DPP6: variants seen among roughly 807,000 people sequenced by gnomAD.
DPP6 encodes the protein dipeptidyl peptidase like 6.
In DPP6, 69 loss-of-function variants were observed where a neutral mutation model predicts 122.6. The ratio of observed to expected loss-of-function variants is 0.56; its 90% confidence interval spans 0.46 to 0.69. DPP6 has a LOEUF of 0.69. Ranked by LOEUF, DPP6 falls within the 30% of genes least tolerant of loss-of-function variation. The pLI, the probability that DPP6 is intolerant of heterozygous loss-of-function variation, is 0.00. For synonymous variants in DPP6, 418 were observed against 433.1 expected (o/e 0.97, Z 0.43); for missense variants, 928 against 1,116.9 (o/e 0.83, Z 2.41).
At chr7:154,573,263 T>C (rs1253213214) in intron 5 of DPP6, among the ~76,000 whole-genome samples, 2 of 152,148 alleles carry the variant, frequency 1.3e-5, no homozygotes, top group Admixed American at 6.5e-5. Context: ...CTATCAGAAT[T>C]GCAGGGAGCT....
chr7:154,134,765 G>A (rs887840528), intron 1 of DPP6, among the ~76,000 whole-genome samples: 4 of 151,988 alleles, frequency 2.6e-5, no homozygotes, highest in African/African-American at 9.7e-5. Flanking sequence ...CACCTCCTAT[G>A]AGCCCACATT....
intron 1 of DPP6, among the ~76,000 whole-genome samples, chr7:154,197,902 A>G (rs1281937187): frequency 3.3e-5 from 5 of 152,178 alleles, no homozygotes; most frequent in African/African-American, 1.2e-4. Flanking sequence ...CACCTGGAAG[A>G]CCTAGAATTT....
At chr7:154,831,882 A>G (rs1800658369) in intron 16 of DPP6, among the ~76,000 whole-genome samples, 1 of 152,216 alleles carries the variant, frequency 6.6e-6, no homozygotes, top group Non-Finnish European at 1.5e-5. Flanking sequence ...TGAGCTGTGT[A>G]TAGTCAGCTG....
intron 5 of DPP6, among the ~76,000 whole-genome samples, chr7:154,577,167 G>C (rs1002857449): frequency 3.9e-5 from 6 of 152,142 alleles, no homozygotes; most frequent in African/African-American, 1.4e-4. Context: ...GAGGGGGACA[G>C]AGAGCCTCAG....
chr7:154,272,654 G>A (rs1448606250), intron 1 of DPP6, among the ~76,000 whole-genome samples: 2 of 152,126 alleles, frequency 1.3e-5, no homozygotes, highest in Non-Finnish European at 2.9e-5. Flanking sequence ...AGCCCCAGGA[G>A]TGTTGAGGGG....
At chr7:154,427,596 G>T (rs1818019332) in intron 1 of DPP6, among the ~76,000 whole-genome samples, 1 of 152,190 alleles carries the variant, frequency 6.6e-6, no homozygotes, top group Non-Finnish European at 1.5e-5. Flanking sequence ...TTTAGACATT[G>T]ATTTTCACCA....
At chr7:154,572,510 C>CT (rs77816407) in intron 5 of DPP6, among the ~76,000 whole-genome samples, 1,330 of 86,100 alleles carry the variant, frequency 0.015, 85 homozygotes, top group Non-Finnish European at 0.02. Flanking sequence ...TTTTTCTTTT[C>CT]TTTTTTTTTT....
chr7:154,792,102 G>T (rs1797717865), intron 10 of DPP6, among the ~76,000 whole-genome samples: 1 of 152,122 alleles, frequency 6.6e-6, no homozygotes, highest in Non-Finnish European at 1.5e-5. Flanking sequence ...GACATAGAGG[G>T]AAAAAATAGT....
the DPP6 span, among the ~76,000 whole-genome samples, chr7:153,868,817 C>T: frequency 6.6e-6 from 1 of 151,974 alleles, no homozygotes; most frequent in Non-Finnish European, 1.5e-5. Flanking sequence ...CTACACACTG[C>T]TTTGAATGTG....
chr7:154,624,848 G>A lies in DPP6; in HGVS notation c.628-12973G>A, dbSNP rs557158237. Among the ~76,000 whole-genome samples the A allele has an allele frequency of 1.3e-5, 2 of 152,266 alleles. No homozygotes were observed. The highest frequency in any genetic ancestry group is 6.5e-5 in the Admixed American group (1 of 15,294). On this transcript the variant is annotated intron_variant, in intron 5 of 25. Coordinates refer to ENST00000377770, the MANE Select transcript of DPP6 (RefSeq NM_130797.4). The surrounding 1 kb of genome is among the most constrained non-coding windows in gnomAD (Gnocchi z 4.7). ...ATGCTAACAGAAGCAGGCACACAGC[G>A]GCCCCGTCTTCCTCCCATCTGTGAG...
At chr7:153,799,197 A>G in the DPP6 span, among the ~76,000 whole-genome samples, 1 of 152,174 alleles carries the variant, frequency 6.6e-6, no homozygotes, top group Non-Finnish European at 1.5e-5. Context: ...CTACAGAAAA[A>G]TTCTTCACCT....
intron 4 of DPP6, among the ~76,000 whole-genome samples, chr7:154,566,113 G>C (rs1830729931): frequency 2.0e-5 from 3 of 152,192 alleles, no homozygotes; most frequent in Admixed American, 2.0e-4. Flanking sequence ...GTTGGAAAAA[G>C]AGCAAGTTGC....
In DPP6 at chr7:154,100,948, C is replaced by T. The variant is rs182800123; in HGVS notation, c.243+47885C>T. ...TGCCCTTCCTCGTCAAGACCCCAAA[C>T]GAGGCTCACCTCCCCGTGACCGTGC... On this transcript the variant is annotated intron_variant, in intron 1 of 25. Transcript: ENST00000377770. 2.8e-5 allele frequency among the ~76,000 whole-genome samples: 4 copies of T among 142,798 alleles called. 1 individual carries two copies. Among genetic ancestry groups the T allele is most frequent in the South Asian group, 5.0e-4 (2 of 4,034 alleles). The allele number at this position is 142,798 out of a possible 152,430, so 93.7% of individuals were successfully genotyped here.
chr7:153,774,176 A>G, the DPP6 span, among the ~76,000 whole-genome samples: 3 of 152,186 alleles, frequency 2.0e-5, no homozygotes, highest in African/African-American at 7.2e-5. Context: ...AAATATGAGG[A>G]TTGACTGGGG....
intron 8 of DPP6, among the ~76,000 whole-genome samples, chr7:154,743,567 G>C (rs1160839549): frequency 6.6e-6 from 1 of 152,224 alleles, no homozygotes; most frequent in Non-Finnish European, 1.5e-5. Context: ...TTTAACAAAA[G>C]TCTGCCAGGG....
intron 1 of DPP6, among the ~76,000 whole-genome samples, chr7:154,304,228 GC>G (rs1806104302): frequency 6.6e-6 from 1 of 152,242 alleles, no homozygotes; most frequent in Non-Finnish European, 1.5e-5. Context: ...CCACATGCTG[GC>G]CTGGAGTGCA....
the DPP6 span, among the ~76,000 whole-genome samples, chr7:153,867,007 A>C: frequency 6.6e-6 from 1 of 152,090 alleles, no homozygotes; most frequent in African/African-American, 2.4e-5. Flanking sequence ...CCATTGGTCG[A>C]TATCTCTGTT....
intron 1 of DPP6, among the ~76,000 whole-genome samples, chr7:154,029,673 T>C (rs1002692770): frequency 4.8e-5 from 7 of 145,722 alleles, no homozygotes; most frequent in African/African-American, 1.3e-4. Flanking sequence ...GGTGAAACCC[T>C]GTCTTTACTA....
chr7:154,625,051 G>T (rs1165399793), intron 5 of DPP6, among the ~76,000 whole-genome samples: 2 of 152,146 alleles, frequency 1.3e-5, no homozygotes, highest in Non-Finnish European at 2.9e-5. Context: ...AATACCAAGG[G>T]GCAGGTCAAC....
Sources: gnomAD v4.1 joint callset for allele counts (sites outside exome capture counted in the v4.1 genomes callset) on GRCh38, gnomAD v4.1.1 for gene constraint, Gnocchi (gnomAD v3.1) non-coding constraint, MANE v1.5 for transcripts, NCBI Gene and HGNC (gene_info 2026-07-23, HGNC 2026-07-21) for gene names.